SNTG1: variants seen among roughly 807,000 people sequenced by gnomAD.
SNTG1 encodes the protein gamma-1-syntrophin.
In SNTG1, 39 loss-of-function variants were observed where a neutral mutation model predicts 74.7. That is an observed-to-expected ratio of 0.52 (90% CI 0.40 to 0.68). The LOEUF is 0.68. SNTG1 is among the 30% of genes least tolerant of loss of function. The pLI is 0.00. For synonymous variants in SNTG1, 254 were observed against 217.1 expected, an observed-to-expected ratio of 1.17 and a Z score of -1.49; for missense variants, 685 against 609.5, an observed-to-expected ratio of 1.12 and a Z score of -1.30.
intron 13 of SNTG1, among the ~76,000 whole-genome samples, chr8:50,630,031 T>G (rs1563668806): frequency 6.6e-6 from 1 of 152,216 alleles, no homozygotes; most frequent in Admixed American, 6.5e-5. Flanking sequence ...AACATCTGGA[T>G]AGTTTTTCAA....
intron 2 of SNTG1, among the ~76,000 whole-genome samples, chr8:50,330,007 A>T (rs2090902113): frequency 6.6e-6 from 1 of 152,166 alleles, no homozygotes; most frequent in African/African-American, 2.4e-5. Flanking sequence ...GTTCCCAAGA[A>T]GTTCCGCGTA....
At position 50,090,222 on chromosome 8, in the gene SNTG1, G is replaced by C. The variant is rs553321914; in HGVS notation, c.-102-82339G>C. The stretch of plus-strand genomic sequence containing the variant: ...CTATATTACTCAGGCTGTTTCACTT[G>C]CAAGTGACAAAATCCAGTTGTAAAT... On this transcript the variant is annotated intron_variant, in intron 1 of 18. Coordinates refer to ENST00000642720, the MANE Select transcript of SNTG1 (RefSeq NM_018967.5). 6.6e-5 allele frequency among the ~76,000 whole-genome samples: 10 copies of C among 152,236 alleles called. No individual in the cohort carries two copies. In the East Asian group the frequency reaches 9.7e-4, roughly 15 times the overall value.
chr8:50,449,533 G>C, intron 5 of SNTG1, 135 bp from the exon 6 acceptor site: 5 of 551,608 alleles, frequency 9.1e-6, no homozygotes, highest in Non-Finnish European at 5.7e-6. Flanking sequence ...TCTACTTAGA[G>C]GAGAAATTCC....
intron 9 of SNTG1, among the ~76,000 whole-genome samples, chr8:50,528,183 G>A (rs968952667): frequency 6.6e-6 from 1 of 151,744 alleles, no homozygotes; most frequent in South Asian, 2.1e-4. Context: ...TTTTAACAAC[G>A]TGTTAAGGGT....
At chr8:50,249,688 A>G (rs1383488632) in intron 2 of SNTG1, among the ~76,000 whole-genome samples, 1 of 152,188 alleles carries the variant, frequency 6.6e-6, no homozygotes, top group Non-Finnish European at 1.5e-5. Context: ...GCCTAGGCCT[A>G]TAATAATCTC....
intron 17 of SNTG1, among the ~76,000 whole-genome samples, chr8:50,733,647 T>A (rs2095518483): frequency 6.6e-6 from 1 of 152,148 alleles, no homozygotes; most frequent in East Asian, 1.9e-4. Flanking sequence ...TGGTATCTCA[T>A]TGTGGTTTTG....
chr8:50,055,514 G>T (rs1328730616), intron 1 of SNTG1, among the ~76,000 whole-genome samples: 1 of 152,074 alleles, frequency 6.6e-6, no homozygotes, highest in Non-Finnish European at 1.5e-5. Context: ...GAATGCGTGG[G>T]GCAGGGAGGA....
In SNTG1 at chr8:50,792,920, C is replaced by T; in HGVS notation, c.*91C>T. 7.3e-7 allele frequency: 1 copy of T among 1,374,692 alleles called. No homozygotes were observed. The highest frequency in any genetic ancestry group is 9.6e-7 in the Non-Finnish European group (1 of 1,041,172). 85.2% of individuals were successfully genotyped at this position (1,374,692 alleles called of 1,614,324 possible). ...AGACCCTAGAGAAACCATAACATCACCAAGTCGACAGTGGAGGCAAATCAA... is the reference window on the plus strand; with the variant it reads ...AGACCCTAGAGAAACCATAACATCATCAAGTCGACAGTGGAGGCAAATCAA... On this transcript the variant is annotated 3_prime_UTR_variant, in exon 19 of 19. Coordinates refer to ENST00000642720, the MANE Select transcript of SNTG1 (RefSeq NM_018967.5).
chr8:50,141,290 A>G lies in SNTG1; in HGVS notation c.-102-31271A>G, dbSNP rs995742626. 3.9e-5 allele frequency among the ~76,000 whole-genome samples: 6 copies of G among 152,178 alleles called. 1 individual carries two copies. The highest frequency in any genetic ancestry group is 8.8e-5 in the Non-Finnish European group (6 of 68,038). ...GTTGAACTTCATAAGATACCTCTGA[A>G]TGCCCACCAGCAACCTGTAAGAGCT... On this transcript the variant is annotated intron_variant, in intron 1 of 18. Coordinates refer to ENST00000642720, the MANE Select transcript of SNTG1 (RefSeq NM_018967.5).
chr8:50,095,114 T>G (rs2079877857), intron 1 of SNTG1, among the ~76,000 whole-genome samples: 1 of 152,068 alleles, frequency 6.6e-6, no homozygotes, highest in Admixed American at 6.5e-5. Flanking sequence ...TGAATACACA[T>G]AGACAAAAAG....
At chr8:50,493,508 T>G (rs920137121) in intron 8 of SNTG1, among the ~76,000 whole-genome samples, 16 of 152,154 alleles carry the variant, frequency 1.1e-4, no homozygotes, top group Non-Finnish European at 2.2e-4. Flanking sequence ...AATTAGTGTA[T>G]TAAATGCAGG....
At chr8:50,689,515 T>G (rs1019327893) in intron 15 of SNTG1, among the ~76,000 whole-genome samples, 2 of 152,312 alleles carry the variant, frequency 1.3e-5, no homozygotes, top group Admixed American at 1.3e-4. Flanking sequence ...TCATGTGGTT[T>G]TTGTCTTTGG....
chr8:50,698,888 T>C (rs1017319513), intron 15 of SNTG1, among the ~76,000 whole-genome samples: 6 of 152,102 alleles, frequency 3.9e-5, no homozygotes, highest in African/African-American at 1.4e-4. Context: ...ACTCACCCTC[T>C]CCCATATTGG....
chr8:50,073,334 G>A (rs1055524266), intron 1 of SNTG1, among the ~76,000 whole-genome samples: 1 of 152,142 alleles, frequency 6.6e-6, no homozygotes, highest in Non-Finnish European at 1.5e-5. Context: ...ATACATTCAA[G>A]TTTTATCATG....
intron 1 of SNTG1, among the ~76,000 whole-genome samples, chr8:50,053,653 G>GTGTGTGTGTGTT (rs1388802117): frequency 9.3e-5 from 14 of 150,790 alleles, no homozygotes; most frequent in African/African-American, 3.4e-4. Context: ...GTGTGTGTGT[G>GTGTGTGTGTGTT]TGTGTATAAT....
At chr8:50,180,523 CT>C (rs1207846586) in intron 2 of SNTG1, among the ~76,000 whole-genome samples, 9 of 152,024 alleles carry the variant, frequency 5.9e-5, no homozygotes, top group Non-Finnish European at 7.4e-5. Context: ...TGCCACTGAG[CT>C]ATATACTTTA....
intron 18 of SNTG1, among the ~76,000 whole-genome samples, chr8:50,777,721 CT>C (rs2095645185): frequency 6.7e-6 from 1 of 149,980 alleles, no homozygotes; most frequent in Non-Finnish European, 1.5e-5. Flanking sequence ...TATTATTATA[CT>C]TTAAGTTGTA....
At chr8:50,104,002 G>T (rs1407909550) in intron 1 of SNTG1, among the ~76,000 whole-genome samples, 1 of 152,158 alleles carries the variant, frequency 6.6e-6, no homozygotes, top group Non-Finnish European at 1.5e-5. Flanking sequence ...TGTTCATCAG[G>T]GATATCAGTC....
intron 2 of SNTG1, among the ~76,000 whole-genome samples, chr8:50,220,172 C>T (rs4873431): frequency 0.42 from 64,161 of 151,796 alleles, 16,894 homozygotes; most frequent in African/African-American, 0.76. Context: ...GATCATGATA[C>T]CACAATCCTC....
Sources: allele counts gnomAD v4.1 joint callset (sites outside exome capture counted in the v4.1 genomes callset), GRCh38; gene constraint gnomAD v4.1.1; transcripts MANE v1.5; gene names NCBI Gene and HGNC (gene_info 2026-07-23, HGNC 2026-07-21).